SATB1: variants seen among roughly 807,000 people sequenced by gnomAD.
SATB1 encodes the protein DNA-binding protein SATB1.
In SATB1, 11 loss-of-function variants were observed where a neutral mutation model predicts 86.9. That is an observed-to-expected ratio of 0.13 (90% CI 0.08 to 0.21). The LOEUF is 0.21. SATB1 is among the 10% of genes least tolerant of loss of function. SATB1 has a pLI of 1.00. For missense variants in SATB1, 551 were observed against 937.6 expected (o/e 0.59, Z 5.39); for synonymous variants, 357 against 357.2 (o/e 1.00, Z 0.01).
chr3:18,390,109 T>C (rs1696573602), intron 7 of SATB1, among the ~76,000 whole-genome samples: 1 of 152,106 alleles, frequency 6.6e-6, no homozygotes, highest in African/African-American at 2.4e-5. Context: ...CTCCAATAAA[T>C]ATTATCAGTA....
intron 2 of SATB1, among the ~76,000 whole-genome samples, chr3:18,420,321 T>C (rs959181869): frequency 1.3e-5 from 2 of 152,206 alleles, no homozygotes; most frequent in African/African-American, 4.8e-5. Context: ...ATTACCAAAC[T>C]TCTACATAAG....
intron 1 of SATB1, chr3:18,421,225 G>A (rs1698383456): frequency 3.1e-6 from 1 of 318,410 alleles, no homozygotes; most frequent in African/African-American, 2.1e-5. Flanking sequence ...TGAATAAAAA[G>A]ATAACTGGCC....
Position 18,444,673 on chromosome 3 carries a change from G to A in SATB1, c.-25+845C>T, listed in dbSNP as rs1319963943. On this transcript the variant is annotated intron_variant, in intron 1 of 3. Transcript: ENST00000415069. The surrounding 1 kb of genome is among the most constrained non-coding windows in gnomAD (Gnocchi z 5.1). ...GGCCTGAAACCAAGAACGGCTCCCC[G>A]GGCGGGCGCGCCGGCGTCGGACTTC... The A allele has an allele frequency of 1.0e-6, 1 of 984,604 alleles. No individual in the cohort carries two copies. The highest frequency in any genetic ancestry group is 6.2e-5 in the Admixed American group (1 of 16,218). The allele number at this position is 984,604 out of a possible 1,614,324, so 61.0% of individuals were successfully genotyped here. A position where few individuals can be genotyped will look rare whatever the true frequency, so the allele number is the denominator to read the frequency against.
chr3:18,358,120 A>G (rs1694741066), intron 9 of SATB1, among the ~76,000 whole-genome samples: 1 of 152,002 alleles, frequency 6.6e-6, no homozygotes, highest in Non-Finnish European at 1.5e-5. Context: ...CCAAATGCTT[A>G]AAATTAACTA....
At chr3:18,419,391 C>T (rs1431775962) in intron 2 of SATB1, among the ~76,000 whole-genome samples, 1 of 152,186 alleles carries the variant, frequency 6.6e-6, no homozygotes, top group African/African-American at 2.4e-5. Context: ...AACCTGAAGG[C>T]AGTCTTAGAA....
chr3:18,349,920 T>G lies in SATB1; in HGVS notation c.1780-238A>C. On this transcript the variant is annotated intron_variant, in intron 10 of 10. Coordinates refer to ENST00000338745, the MANE Select transcript of SATB1 (RefSeq NM_002971.6). This position sits in a 1 kb window ranked among gnomAD's most constrained non-coding sequence, Gnocchi z 5.5. Reference sequence around the variant, plus strand: ...TTTGGGGGGCTACTGCACTTACTTATCAGAGATCAGCAGAGGAAGTGAAAA... The same window carrying G: ...TTTGGGGGGCTACTGCACTTACTTAGCAGAGATCAGCAGAGGAAGTGAAAA... The G allele has an allele frequency of 1.7e-6, 1 of 601,472 alleles. No homozygotes were observed. The highest frequency in any genetic ancestry group is 2.7e-6 in the Non-Finnish European group (1 of 372,772). 37.3% of individuals were successfully genotyped at this position (601,472 alleles called of 1,614,324 possible).
At position 18,349,466 on chromosome 3, in the gene SATB1, C is replaced by T. The variant is rs1462249661; in HGVS notation, c.1996G>A (p.Val666Met). The T allele has an allele frequency of 1.1e-5, 17 of 1,614,026 alleles. No individual in the cohort carries two copies. Among genetic ancestry groups the T allele is most frequent in the East Asian group, 2.2e-5 (1 of 44,882 alleles). Residue 666 changes from valine to methionine, a missense_variant, in exon 11 of 11, where the codon GTG becomes ATG. Physicochemically the swap from Val to Met is conservative, Grantham distance 21. Transcript: ENST00000338745. The surrounding 1 kb of genome is among the most constrained non-coding windows in gnomAD (Gnocchi z 5.5). ...GCCTCTTCGTCAGGGTACAGGCCCA[C>T]GTCTTGTATGAAACTCTGGAGGATT... ...LGILQSFIQDVGLYPDEEAIQ... is the reference protein window; with the variant it reads ...LGILQSFIQDMGLYPDEEAIQ...
intron 9 of SATB1, among the ~76,000 whole-genome samples, chr3:18,362,868 A>AAAAC (rs1281539182): frequency 9.0e-5 from 13 of 144,284 alleles, no homozygotes; most frequent in South Asian, 6.4e-4. Context: ...TGCAAAAAAA[A>AAAAC]AAAAAAAAAA....
At chr3:18,415,616 GAC>G (rs1291529360) in intron 4 of SATB1, among the ~76,000 whole-genome samples, 18 of 151,982 alleles carry the variant, frequency 1.2e-4, no homozygotes, top group African/African-American at 4.4e-4. Context: ...AAATAAATAA[GAC>G]TGTGGTAATA....
intron 5 of SATB1, among the ~76,000 whole-genome samples, chr3:18,410,599 A>T (rs1283710831): frequency 6.6e-6 from 1 of 152,090 alleles, no homozygotes. Flanking sequence ...TATATCCTTA[A>T]CACTACATAG....
chr3:18,355,031 C>T (rs958944315), intron 9 of SATB1, among the ~76,000 whole-genome samples: 2 of 152,000 alleles, frequency 1.3e-5, no homozygotes, highest in Admixed American at 1.3e-4. Context: ...AATTATAAGT[C>T]GAAGCATGTC....
At chr3:18,391,925 T>C (rs1459437055) in intron 7 of SATB1, among the ~76,000 whole-genome samples, 1 of 152,248 alleles carries the variant, frequency 6.6e-6, no homozygotes, top group Non-Finnish European at 1.5e-5. Context: ...GAAAATAAAT[T>C]CATGCCTGCA....
At chr3:18,421,056 T>TATGTTTTAGCTCTAG in intron 1 of SATB1, 65 bp from the exon 2 acceptor site, 1 of 1,101,378 alleles carries the variant, frequency 9.1e-7, no homozygotes, top group Non-Finnish European at 1.4e-6. Context: ...ATATGTGTCC[T>TATGTTTTAGCTCTAG]ATGTAAATGT....
chr3:18,376,145 C>G (rs1158647471), intron 9 of SATB1, among the ~76,000 whole-genome samples: 2 of 152,014 alleles, frequency 1.3e-5, no homozygotes, highest in Non-Finnish European at 2.9e-5. Flanking sequence ...GTTGCTGCTA[C>G]TATCTAAATA....
chr3:18,417,498 G>C, intron 2 of SATB1: 2 of 601,682 alleles, frequency 3.3e-6, no homozygotes, highest in South Asian at 4.1e-5. Context: ...CTGCTTACAT[G>C]ATTTTGTTAA....
rs1254877189 is a variant in SATB1, at chr3:18,347,066, T to TTAA, written c.*2103_*2104insTTA. The TTAA allele has an allele frequency of 1.3e-5, 2 of 152,136 alleles. No homozygotes were observed. Among genetic ancestry groups the TTAA allele is most frequent in the Non-Finnish European group, 2.9e-5 (2 of 68,010 alleles). 9.4% of individuals were successfully genotyped at this position (152,136 alleles called of 1,614,324 possible). ...GCTGTGCTTCAAAAGTAAATGGAAC[T>TTAA]TTAAAGCTTTATTGAAAGTTTTCAA... On this transcript the variant is annotated 3_prime_UTR_variant, in exon 11 of 11. Transcript: ENST00000338745.
chr3:18,418,142 T>C (rs891905544), intron 2 of SATB1, among the ~76,000 whole-genome samples: 3 of 152,136 alleles, frequency 2.0e-5, no homozygotes, highest in Non-Finnish European at 2.9e-5. Flanking sequence ...TGACAAGGGT[T>C]ACTTTAACAG....
chr3:18,393,401 C>T (rs1212528582), intron 7 of SATB1, among the ~76,000 whole-genome samples: 1 of 152,076 alleles, frequency 6.6e-6, no homozygotes, highest in Non-Finnish European at 1.5e-5. Context: ...ATATATATCA[C>T]GTATCATACT....
intron 5 of SATB1, among the ~76,000 whole-genome samples, chr3:18,406,893 CAT>C (rs1213326458): frequency 5.9e-5 from 9 of 152,144 alleles, no homozygotes; most frequent in South Asian, 4.1e-4. Context: ...ATGAAATAAA[CAT>C]GTGCAAATCC....
Sources: gnomAD v4.1 joint callset for allele counts (sites outside exome capture counted in the v4.1 genomes callset) on GRCh38, gnomAD v4.1.1 for gene constraint, Gnocchi (gnomAD v3.1) non-coding constraint, MANE v1.5 for transcripts, NCBI Gene and HGNC (gene_info 2026-07-23, HGNC 2026-07-21) for gene names.